The following LSAMP variants were observed in gnomAD, a reference collection of about 807,000 sequenced individuals.
LSAMP encodes limbic system associated membrane protein.
In LSAMP, 7 loss-of-function variants were observed where a neutral mutation model predicts 38.6. That is an observed-to-expected ratio of 0.18 (90% confidence interval 0.10 to 0.34). The LOEUF (loss-of-function observed/expected upper bound fraction) is 0.34. Ranked by LOEUF, LSAMP falls within the 10% of genes least tolerant of loss-of-function variation. LSAMP has a pLI of 1.00. For missense variants in LSAMP, 313 were observed against 420.0 expected, an observed-to-expected ratio of 0.75 and a Z score of 2.23; for synonymous variants, 154 against 166.8, an observed-to-expected ratio of 0.92 and a Z score of 0.59.
chr3:115,873,030 C>T (rs1936088189), intron 3 of LSAMP, among the ~76,000 whole-genome samples: 1 of 151,864 alleles, frequency 6.6e-6, no homozygotes, highest in Non-Finnish European at 1.5e-5. Flanking sequence ...GACAGAGATC[C>T]GAATTAGTTT....
At chr3:115,913,795 T>C (rs1463013921) in intron 3 of LSAMP, among the ~76,000 whole-genome samples, 1 of 152,120 alleles carries the variant, frequency 6.6e-6, no homozygotes, top group Non-Finnish European at 1.5e-5. Flanking sequence ...AGGGGACCTA[T>C]GTCTTTTTCA....
intron 1 of LSAMP, among the ~76,000 whole-genome samples, chr3:116,397,560 C>T (rs1227664339): frequency 6.6e-6 from 1 of 152,018 alleles, no homozygotes; most frequent in Non-Finnish European, 1.5e-5. Flanking sequence ...ACTGAAATTT[C>T]TGTGTGTTTT....
intron 1 of LSAMP, among the ~76,000 whole-genome samples, chr3:116,357,268 T>A (rs1036840305): frequency 1.2e-4 from 18 of 152,320 alleles, no homozygotes; most frequent in Non-Finnish European, 2.2e-4. Context: ...CAGAATTCAC[T>A]CATTTAATTA....
chr3:116,295,771 G>T (rs2107699354), intron 1 of LSAMP, among the ~76,000 whole-genome samples: 2 of 152,210 alleles, frequency 1.3e-5, no homozygotes, highest in Non-Finnish European at 2.9e-5. Context: ...GTCCCAAAAA[G>T]GAAGCTTCTA....
chr3:116,138,897 G>T (rs1449840857), intron 1 of LSAMP, among the ~76,000 whole-genome samples: 3 of 150,904 alleles, frequency 2.0e-5, no homozygotes, highest in South Asian at 2.1e-4. Flanking sequence ...AGCAATCTAT[G>T]GTTGTTGTTG....
At chr3:115,847,372 C>CT (rs571749458) in intron 4 of LSAMP, among the ~76,000 whole-genome samples, 115 of 152,242 alleles carry the variant, frequency 7.6e-4, no homozygotes, top group African/African-American at 2.6e-3. Flanking sequence ...TTTAGAATTG[C>CT]TTTTTTGTAA....
At chr3:115,938,912 C>T (rs1238119444) in intron 3 of LSAMP, among the ~76,000 whole-genome samples, 2 of 152,112 alleles carry the variant, frequency 1.3e-5, no homozygotes, top group Admixed American at 6.6e-5. Flanking sequence ...TTTGTTGAAT[C>T]CCTAGCACCA....
At chr3:115,941,461 G>T (rs957845237) in intron 3 of LSAMP, among the ~76,000 whole-genome samples, 2 of 152,054 alleles carry the variant, frequency 1.3e-5, no homozygotes, top group African/African-American at 4.8e-5. Context: ...ACCTTGAAAA[G>T]TTATCTGTAC....
rs548765611 is a variant in LSAMP at position 115,905,635 on chromosome 3, T to A, written c.515-53018A>T. The stretch of plus-strand genomic sequence containing the variant: ...AACCAAAAAAAGGCTTTAAGAATTA[T>A]TAAAGTCACAGGCAGTGCACAGGAC... On this transcript the variant is annotated intron_variant, in intron 3 of 6. Coordinates refer to ENST00000490035, the MANE Select transcript of LSAMP (RefSeq NM_002338.5). Among the ~76,000 whole-genome samples, 12 of 152,216 alleles carry A rather than the reference T, an allele frequency of 7.9e-5. No individual in the cohort carries two copies. The East Asian group carries it at 2.1e-3, about 27-fold the overall frequency.
chr3:116,118,296 C>A (rs980904651), intron 1 of LSAMP, among the ~76,000 whole-genome samples: 26 of 152,082 alleles, frequency 1.7e-4, no homozygotes, highest in African/African-American at 6.3e-4. Context: ...CCCATCCCAA[C>A]CCCAACCTTC....
chr3:115,813,460 A>C (rs1227490127), intron 6 of LSAMP, among the ~76,000 whole-genome samples: 1 of 152,196 alleles, frequency 6.6e-6, no homozygotes, highest in African/African-American at 2.4e-5. Context: ...AAGTCACATA[A>C]TAATGCATTT....
At chr3:115,988,448 G>A (rs1402964257) in intron 3 of LSAMP, among the ~76,000 whole-genome samples, 2 of 151,956 alleles carry the variant, frequency 1.3e-5, no homozygotes, top group East Asian at 3.9e-4. Context: ...AGAATAAAGT[G>A]TTTTTTGTTT....
At chr3:116,289,954 C>G (rs2047243248) in intron 1 of LSAMP, among the ~76,000 whole-genome samples, 1 of 152,212 alleles carries the variant, frequency 6.6e-6, no homozygotes, top group South Asian at 2.1e-4. Context: ...CTTGCCTCAT[C>G]TCTTTTTCTC....
At chr3:116,231,658 C>T (rs80239900) in intron 1 of LSAMP, among the ~76,000 whole-genome samples, 5,836 of 152,086 alleles carry the variant, frequency 0.038, 372 homozygotes, top group African/African-American at 0.13. Flanking sequence ...CAATTAAGGG[C>T]TAAAGGCTCT....
intron 1 of LSAMP, among the ~76,000 whole-genome samples, chr3:116,316,904 A>T (rs966858977): frequency 6.6e-6 from 1 of 152,112 alleles, no homozygotes; most frequent in Admixed American, 6.5e-5. Flanking sequence ...AAAAGAGGTC[A>T]CTCAATTTGG....
At chr3:116,269,617 T>C (rs116516013) in intron 1 of LSAMP, among the ~76,000 whole-genome samples, 1,860 of 152,206 alleles carry the variant, frequency 0.012, 33 homozygotes, top group African/African-American at 0.041. Context: ...GCCATATAAA[T>C]AAGTGACCAT....
At position 115,830,271 on chromosome 3, in the gene LSAMP, A is replaced by G. The variant is rs562936729; in HGVS notation, c.919+11574T>C. Among the ~76,000 whole-genome samples the G allele has an allele frequency of 3.1e-4, 48 of 152,386 alleles. No individual in the cohort carries two copies. The South Asian group carries it at 8.9e-3, about 28-fold the overall frequency. On this transcript the variant is annotated intron_variant, in intron 6 of 6. Coordinates refer to ENST00000490035, the MANE Select transcript of LSAMP (RefSeq NM_002338.5). Reference sequence around the variant, plus strand: ...GCATACATCTCACTGTGCTAAGCATATTTGAAAATAGATTTTGTAAAAATG... The same window carrying G: ...GCATACATCTCACTGTGCTAAGCATGTTTGAAAATAGATTTTGTAAAAATG...
At chr3:116,242,244 TAGAA>T (rs1345609723) in intron 1 of LSAMP, among the ~76,000 whole-genome samples, 1 of 152,228 alleles carries the variant, frequency 6.6e-6, no homozygotes, top group Admixed American at 6.5e-5. Context: ...TGCTTTTAAT[TAGAA>T]AGAGAGCTGA....
At chr3:115,876,726 C>T (rs1936189231) in intron 3 of LSAMP, among the ~76,000 whole-genome samples, 1 of 152,000 alleles carries the variant, frequency 6.6e-6, no homozygotes, top group Non-Finnish European at 1.5e-5. Context: ...TTATCTACCC[C>T]TCTTTCATTC....
Sources: gnomAD v4.1 joint callset for allele counts (sites outside exome capture counted in the v4.1 genomes callset) on GRCh38, gnomAD v4.1.1 for gene constraint, MANE v1.5 for transcripts, NCBI Gene and HGNC (gene_info 2026-07-23, HGNC 2026-07-21) for gene names.